The following SPAG1 variants were observed in gnomAD, a reference collection of about 807,000 sequenced individuals.
SPAG1 encodes sperm-associated antigen 1.
Under a neutral mutation model 100.5 loss-of-function variants are expected in SPAG1, and 69 were observed. That is an observed-to-expected ratio of 0.69 (90% CI 0.57 to 0.84). SPAG1 has a LOEUF of 0.84. Ranked by LOEUF, SPAG1 falls within the 40% of genes least tolerant of loss-of-function variation. The pLI, the probability that SPAG1 is intolerant of heterozygous loss-of-function variation, is 0.00. For missense variants in SPAG1, 955 were observed against 1,133.1 expected, an observed-to-expected ratio of 0.84 and a Z score of 2.26; for synonymous variants, 336 against 411.6, an observed-to-expected ratio of 0.82 and a Z score of 2.22.
chr8:100,191,146 G>A (rs939691554), intron 8 of SPAG1, among the ~76,000 whole-genome samples: 1 of 152,114 alleles, frequency 6.6e-6, no homozygotes, highest in Non-Finnish European at 1.5e-5. Context: ...AAAAGCTGGC[G>A]GGGCCTGGGG....
chr8:100,232,563 C>T (rs980555489), intron 15 of SPAG1, among the ~76,000 whole-genome samples: 5 of 152,142 alleles, frequency 3.3e-5, no homozygotes, highest in Non-Finnish European at 5.9e-5. Flanking sequence ...CCAAATCCAT[C>T]TTCAGTGTGA....
Position 100,183,984 on chromosome 8 carries a change from A to G in SPAG1, c.517A>G (p.Ile173Val). The G allele has an allele frequency of 6.5e-7, 1 of 1,546,580 alleles. No individual in the cohort carries two copies. Among genetic ancestry groups the G allele is most frequent in the Non-Finnish European group, 8.7e-7 (1 of 1,151,670 alleles). Residue 173 changes from isoleucine to valine, a missense_variant, in exon 6 of 19, where the codon ATT becomes GTT. Ile to Val is a conservative substitution (Grantham distance 29). Transcript: ENST00000388798. Reference sequence around the variant, plus strand: ...TGACGTGGAGAAGGAATGTTTAAAAATTGATGAAGATTACAAAGAAAAGAC... The same window carrying G: ...TGACGTGGAGAAGGAATGTTTAAAAGTTGATGAAGATTACAAAGAAAAGAC... ...KFDVEKECLK[I>V]DEDYKEKTVI... is the part of the protein sequence containing the mutation.
intron 8 of SPAG1, among the ~76,000 whole-genome samples, chr8:100,189,659 A>T (rs1816734385): frequency 6.6e-6 from 1 of 152,208 alleles, no homozygotes; most frequent in Admixed American, 6.5e-5. Flanking sequence ...TGTTTCAAAA[A>T]AAATAAATAA....
At chr8:100,194,646 C>T in intron 10 of SPAG1, 1 of 388,764 alleles carries the variant, frequency 2.6e-6, no homozygotes, top group Non-Finnish European at 4.5e-6. Context: ...GTATGGGTAG[C>T]CCCATTTATA....
At chr8:100,176,176 T>C (rs947825699) in intron 3 of SPAG1, among the ~76,000 whole-genome samples, 1 of 152,202 alleles carries the variant, frequency 6.6e-6, no homozygotes, top group African/African-American at 2.4e-5. Context: ...TGGGAGAAGG[T>C]GCTTTTCCTG....
At chr8:100,192,711 T>C (rs902570489) in intron 9 of SPAG1, among the ~76,000 whole-genome samples, 1 of 152,196 alleles carries the variant, frequency 6.6e-6, no homozygotes, top group Non-Finnish European at 1.5e-5. Flanking sequence ...TGGCTTAGTA[T>C]TTCCTTTTTG....
At chr8:100,208,003 G>T (rs192288909) in intron 10 of SPAG1, among the ~76,000 whole-genome samples, 1 of 152,212 alleles carries the variant, frequency 6.6e-6, no homozygotes, top group African/African-American at 2.4e-5. Flanking sequence ...CCATAGCCAG[G>T]ATTCATGGGT....
chr8:100,227,771 T>C (rs2132411617), intron 14 of SPAG1, among the ~76,000 whole-genome samples: 1 of 151,996 alleles, frequency 6.6e-6, no homozygotes, highest in East Asian at 1.9e-4. Context: ...CAGCAAAATC[T>C]TCCCTAATAT....
chr8:100,189,190 A>C (rs557648459), intron 8 of SPAG1, among the ~76,000 whole-genome samples: 150 of 150,972 alleles, frequency 9.9e-4, no homozygotes, highest in African/African-American at 3.5e-3. Flanking sequence ...AAAAAAAAAA[A>C]AATGGAGGGG....
Position 100,220,380 on chromosome 8 carries a change from C to G in SPAG1, c.1637C>G (p.Thr546Arg), listed in dbSNP as rs1429554864. Residue 546 changes from threonine to arginine, a missense_variant, in exon 13 of 19, where the codon ACA (threonine) becomes AGA (arginine). Physicochemically the swap from Thr to Arg is moderately conservative, Grantham distance 71 (BLOSUM62 -1). Transcript: ENST00000388798. ...GGGAAAGCTTATGTGGATTATAAAACAGTGTTGCAGATAGACTGTGGACTC... is the reference window on the plus strand; with the variant it reads ...GGGAAAGCTTATGTGGATTATAAAAGAGTGTTGCAGATAGACTGTGGACTC... ...QYGKAYVDYK[T>R]VLQIDCGLQL... is the part of the protein sequence containing the mutation. 2.5e-6 allele frequency: 4 copies of G among 1,613,882 alleles called. No homozygotes were observed. In the African/African-American group the frequency reaches 5.3e-5, roughly 22 times the overall value.
At position 100,177,888 on chromosome 8, in the gene SPAG1, AAAGAT is replaced by A; in HGVS notation, c.376_380del (p.Asp126PhefsTer20). On this transcript the variant is annotated frameshift_variant, in exon 4 of 19. Transcript: ENST00000388798. LOFTEE classifies it high-confidence loss of function. Reference sequence around the variant, plus strand: ...TGAAACTGAGACATTTCCAGCAATGAAAGATAATTTGCCTCCAGTTCGTGGTTCAA... The same window carrying A: ...TGAAACTGAGACATTTCCAGCAATGAAATTTGCCTCCAGTTCGTGGTTCAA... 1.2e-6 allele frequency: 2 copies of A among 1,608,074 alleles called. No individual in the cohort carries two copies. The highest frequency in any genetic ancestry group is 1.7e-6 in the Non-Finnish European group (2 of 1,174,594).
In SPAG1 at chr8:100,197,498, G is replaced by A. The variant is rs549434611; in HGVS notation, c.1096+3230G>A. Among the ~76,000 whole-genome samples the A allele has an allele frequency of 1.4e-4, 21 of 152,312 alleles. 1 individual carries two copies. The highest frequency in any genetic ancestry group is 4.6e-4 in the African/African-American group (19 of 41,570). ...ACAAGTTACATATCAAACAGTCATT[G>A]TTTGATAGAGTGTGAAAAGAGGTGC... On this transcript the variant is annotated intron_variant, in intron 10 of 18. Coordinates refer to ENST00000388798, the MANE Select transcript of SPAG1 (RefSeq NM_003114.5).
chr8:100,233,585 C>A, intron 16 of SPAG1, 48 bp downstream of exon 16: 1 of 1,529,638 alleles, frequency 6.5e-7, no homozygotes, highest in South Asian at 1.2e-5. Context: ...CTGAACAAAT[C>A]AAGTGGTTTT....
chr8:100,226,439 T>TG (rs1433775304), intron 14 of SPAG1, among the ~76,000 whole-genome samples: 3 of 152,162 alleles, frequency 2.0e-5, no homozygotes, highest in African/African-American at 7.2e-5. Context: ...CCAGGTGCAG[T>TG]GGGTCACTCC....
rs1295405225 is a variant in SPAG1, at chr8:100,213,156, A to T, written c.1163A>T (p.Lys388Met). ...TGCGTCATGGGCAACATCCAGAAGA[A>T]GCTGACTGGCAAAGCCGAAGGCGGC... ...QPCVMGNIQK[K>M]LTGKAEGGKR... Residue 388 changes from lysine (K) to methionine (M), a missense_variant, in exon 11 of 19, where the codon AAG (lysine) becomes ATG (methionine). Transcript: ENST00000388798. 6.8e-7 allele frequency: 1 copy of T among 1,479,860 alleles called. No individual in the cohort carries two copies. The highest frequency in any genetic ancestry group is 1.3e-5 in the South Asian group (1 of 79,228). The allele number at this position is 1,479,860 out of a possible 1,614,324, so 91.7% of individuals were successfully genotyped here. A position where few individuals can be genotyped will look rare whatever the true frequency, so the allele number is the denominator to read the frequency against.
intron 12 of SPAG1, among the ~76,000 whole-genome samples, chr8:100,217,658 A>G (rs1484656734): frequency 6.6e-6 from 1 of 152,220 alleles, no homozygotes; most frequent in Non-Finnish European, 1.5e-5. Flanking sequence ...TTTCTCATCT[A>G]TCAGAACCTT....
At chr8:100,205,352 C>T (rs1451638258) in intron 10 of SPAG1, among the ~76,000 whole-genome samples, 1 of 152,210 alleles carries the variant, frequency 6.6e-6, no homozygotes, top group African/African-American at 2.4e-5. Context: ...TGGACACTGC[C>T]TCTGAGCTGA....
At chr8:100,233,846 C>T (rs1460088410) in intron 16 of SPAG1, among the ~76,000 whole-genome samples, 2 of 152,132 alleles carry the variant, frequency 1.3e-5, no homozygotes, top group Admixed American at 1.3e-4. Context: ...ACTGAATTAC[C>T]GAAACTAGCA....
At chr8:100,187,675 A>C (rs1161371380) in intron 8 of SPAG1, among the ~76,000 whole-genome samples, 1 of 152,060 alleles carries the variant, frequency 6.6e-6, no homozygotes, top group Non-Finnish European at 1.5e-5. Context: ...TCAAAAAAAA[A>C]ACTCAAGCTT....
Sources: allele counts gnomAD v4.1 joint callset (sites outside exome capture counted in the v4.1 genomes callset), GRCh38; gene constraint gnomAD v4.1.1; transcripts MANE v1.5; gene names NCBI Gene and HGNC (gene_info 2026-07-23, HGNC 2026-07-21).